Variants in PUM2 observed in about 807,000 individuals in gnomAD.
The protein encoded by PUM2 is pumilio homolog 2.
PUM2 carries 57 observed loss-of-function variants against 124.5 expected under a neutral mutation model. The observed-to-expected ratio is 0.46, with a 90% CI of 0.37 to 0.57. The LOEUF (loss-of-function observed/expected upper bound fraction) is 0.57. Ranked by LOEUF, PUM2 falls within the 20% of genes least tolerant of loss-of-function variation. The probability of loss-of-function intolerance (pLI) is 0.00; values close to 1 mark genes in which losing one functional copy is unlikely to be tolerated. For missense variants in PUM2, 1,065 were observed against 1,290.6 expected, an observed-to-expected ratio of 0.83 and a Z score of 2.68; for synonymous variants, 460 against 446.1, an observed-to-expected ratio of 1.03 and a Z score of -0.39.
Position 20,324,541 on chromosome 2 carries a change from G to A in PUM2, c.51+2769C>T, listed in dbSNP as rs376859838. On this transcript the variant is annotated intron_variant, in intron 2 of 20. Transcript: ENST00000361078. ...CAGCTATATGTGCCCCAACAACCTAGAGAAGCTAATAGGTATGAGCCTATG... is the reference window on the plus strand; with the variant it reads ...CAGCTATATGTGCCCCAACAACCTAAAGAAGCTAATAGGTATGAGCCTATG... Among the ~76,000 whole-genome samples, 52 of 152,294 alleles carry A rather than the reference G, an allele frequency of 3.4e-4. No homozygotes were observed. In the South Asian group the frequency reaches 1.0e-2, roughly 29 times the overall value.
intron 15 of PUM2, among the ~76,000 whole-genome samples, chr2:20,258,763 G>C (rs1043028502): frequency 1.3e-5 from 2 of 150,282 alleles, no homozygotes; most frequent in African/African-American, 4.9e-5. Flanking sequence ...TGCTTCCCGG[G>C]TTCACGCCAT....
At chr2:20,251,804 AG>A in intron 20 of PUM2, 88 bp from the exon 21 acceptor site, 1 of 1,468,314 alleles carries the variant, frequency 6.8e-7, no homozygotes, top group Non-Finnish European at 9.3e-7. Flanking sequence ...GGTAATTTAG[AG>A]GAATAACTGC....
At chr2:20,278,114 A>C (rs1180556996) in intron 13 of PUM2, among the ~76,000 whole-genome samples, 2 of 152,210 alleles carry the variant, frequency 1.3e-5, no homozygotes, top group African/African-American at 4.8e-5. Flanking sequence ...TGACAAATAC[A>C]CTAAATTCAA....
At position 20,283,233 on chromosome 2, in the gene PUM2, T is replaced by A. The variant is rs1671968718; in HGVS notation, c.1436-2A>T. The A allele has an allele frequency of 3.1e-6, 5 of 1,610,498 alleles. No individual in the cohort carries two copies. The highest frequency in any genetic ancestry group is 4.2e-6 in the Non-Finnish European group (5 of 1,177,578). On this transcript the variant is annotated splice_acceptor_variant, in intron 11 of 20. Transcript: ENST00000361078. LOFTEE classifies it high-confidence loss of function. ...TTCCTCCAGCTGCTGCTGCTGCTGC[T>A]GTAAAATAAATTTCAGATACTTCTT...
chr2:20,252,547 A>G (rs1423417168), intron 20 of PUM2, among the ~76,000 whole-genome samples: 2 of 152,260 alleles, frequency 1.3e-5, no homozygotes, highest in African/African-American at 2.4e-5. Flanking sequence ...GGGGTTATGT[A>G]ATTCATGTTT....
At chr2:20,327,844 AAAGT>A (rs1043312210) in intron 1 of PUM2, among the ~76,000 whole-genome samples, 1 of 152,126 alleles carries the variant, frequency 6.6e-6, no homozygotes, top group Non-Finnish European at 1.5e-5. Context: ...GAGCTGCTGG[AAAGT>A]AAGAAAGGGA....
intron 2 of PUM2, among the ~76,000 whole-genome samples, chr2:20,326,080 C>A (rs1683605391): frequency 6.6e-6 from 1 of 152,176 alleles, no homozygotes; most frequent in South Asian, 2.1e-4. Flanking sequence ...TTTCATCTGC[C>A]TCTTATTTGC....
chr2:20,332,282 A>AGTGTGTGTGTGTGTGTGTGTGTGT (rs55986830), intron 1 of PUM2, among the ~76,000 whole-genome samples: 94 of 145,440 alleles, frequency 6.5e-4, no homozygotes, highest in African/African-American at 1.8e-3. Flanking sequence ...ATACTACTAG[A>AGTGTGTGTGTGTGTGTGTGTGTGT]GTGTGTGTGT....
At chr2:20,308,104 T>G in intron 6 of PUM2, 33 bp from the exon 7 acceptor site, 1 of 1,574,466 alleles carries the variant, frequency 6.4e-7, no homozygotes, top group East Asian at 2.3e-5. Context: ...CAAAGATTAG[T>G]GTCAAAATCT....
At chr2:20,345,185 A>G (rs996620730) in intron 1 of PUM2, among the ~76,000 whole-genome samples, 4 of 149,592 alleles carry the variant, frequency 2.7e-5, no homozygotes, top group Non-Finnish European at 5.9e-5. Context: ...CTGCAGCCTC[A>G]GTCTCCTGGA....
chr2:20,283,449 C>T lies in PUM2; in HGVS notation c.1329G>A (p.Gln443=), dbSNP rs770510676. The change falls in exon 11 of 21, where the codon CAG becomes CAA. Residue 443 remains glutamine, a synonymous_variant. Coordinates refer to ENST00000361078, the MANE Select transcript of PUM2 (RefSeq NM_015317.5). ...CAGGGCCAACCACTAAGGCACCAGTCTGATCATAATAGGCAGTTGGAGCTA... is the reference window on the plus strand; with the variant it reads ...CAGGGCCAACCACTAAGGCACCAGTTTGATCATAATAGGCAGTTGGAGCTA... ...QVLAPTAYYD[Q]TGALVVGPGA... 2 of 1,613,916 alleles carry T rather than the reference C, an allele frequency of 1.2e-6. No individual in the cohort carries two copies. The highest frequency in any genetic ancestry group is 4.5e-5 in the East Asian group (2 of 44,878).
At chr2:20,302,745 A>C (rs1677293696) in intron 7 of PUM2, among the ~76,000 whole-genome samples, 1 of 152,254 alleles carries the variant, frequency 6.6e-6, no homozygotes, top group Admixed American at 6.5e-5. Context: ...AAAATTCTTG[A>C]GTTTGCAGGA....
chr2:20,251,415 A>C lies in PUM2; in HGVS notation c.*170T>G. The C allele has an allele frequency of 1.3e-6, 1 of 766,866 alleles. No individual in the cohort carries two copies. The highest frequency in any genetic ancestry group is 3.0e-5 in the East Asian group (1 of 33,180). 47.5% of individuals were successfully genotyped at this position (766,866 alleles called of 1,614,324 possible). A position where few individuals can be genotyped will look rare whatever the true frequency, so the allele number is the denominator to read the frequency against. ...ATTTATAATTCATCCCCCACCCCCCAAATATACACAAGAACCTTAAAAAAT... is the reference window on the plus strand; with the variant it reads ...ATTTATAATTCATCCCCCACCCCCCCAATATACACAAGAACCTTAAAAAAT... On this transcript the variant is annotated 3_prime_UTR_variant, in exon 21 of 21. Transcript: ENST00000361078.
In PUM2 at chr2:20,258,825, G is replaced by A. The variant is rs372278834; in HGVS notation, c.2356-454C>T. ...TGGGACTACAGGCGCCCGCCACCGC[G>A]CCCGGCTAATTTTTTGTATTTTTAG... is the stretch of plus-strand genomic sequence containing the variant. On this transcript the variant is annotated intron_variant, in intron 15 of 20. Coordinates refer to ENST00000361078, the MANE Select transcript of PUM2 (RefSeq NM_015317.5). Among the ~76,000 whole-genome samples the A allele has an allele frequency of 4.0e-5, 6 of 150,872 alleles. No homozygotes were observed. In the East Asian group the frequency reaches 7.8e-4, roughly 20 times the overall value.
At chr2:20,274,814 A>G (rs979061445) in intron 13 of PUM2, among the ~76,000 whole-genome samples, 5 of 151,704 alleles carry the variant, frequency 3.3e-5, no homozygotes, top group Admixed American at 1.3e-4. Flanking sequence ...CAAAGACTGG[A>G]GTTAAAAAAA....
intron 4 of PUM2, among the ~76,000 whole-genome samples, 160 bp downstream of exon 4, chr2:20,312,076 C>T (rs919134687): frequency 6.6e-6 from 1 of 152,046 alleles, no homozygotes; most frequent in Admixed American, 6.6e-5. Flanking sequence ...TATCATTTCA[C>T]GTTTTTCAAG....
intron 1 of PUM2, among the ~76,000 whole-genome samples, chr2:20,350,021 G>A (rs923004688): frequency 6.6e-6 from 1 of 152,172 alleles, no homozygotes; most frequent in African/African-American, 2.4e-5. Context: ...CGCTAATCTT[G>A]TCTTTGGTTT....
chr2:20,274,957 C>CAAAAAAACAAAAAAAAAAAAAAAAAAAA (rs1669866971), intron 13 of PUM2, among the ~76,000 whole-genome samples: 1 of 31,428 alleles, frequency 3.2e-5, no homozygotes, highest in Non-Finnish European at 6.0e-5. Context: ...GAAGTATCTC[C>CAAAAAAACAAAAAAAAAAAAAAAAAAAA]AAAAAAAAAA....
At chr2:20,335,581 C>G (rs961959538) in intron 1 of PUM2, among the ~76,000 whole-genome samples, 2 of 152,158 alleles carry the variant, frequency 1.3e-5, no homozygotes, top group African/African-American at 4.8e-5. Context: ...AGAGCTAAAT[C>G]AACAGTCTGT....
Sources: gnomAD v4.1 joint callset for allele counts (sites outside exome capture counted in the v4.1 genomes callset) on GRCh38, gnomAD v4.1.1 for gene constraint, MANE v1.5 for transcripts, NCBI Gene and HGNC (gene_info 2026-07-23, HGNC 2026-07-21) for gene names.